Variants in TBC1D22A observed in about 807,000 individuals in gnomAD.
TBC1D22A encodes putative GTPase activator.
Under a neutral mutation model 60.2 loss-of-function variants are expected in TBC1D22A, and 38 were observed. The observed-to-expected ratio is 0.63, with a 90% confidence interval of 0.49 to 0.83. TBC1D22A has a LOEUF of 0.83. Ranked by LOEUF, TBC1D22A falls within the 40% of genes least tolerant of loss-of-function variation. TBC1D22A has a pLI of 0.00. For missense variants in TBC1D22A, 628 were observed against 701.0 expected, an observed-to-expected ratio of 0.90 and a Z score of 1.18; for synonymous variants, 302 against 281.7, an observed-to-expected ratio of 1.07 and a Z score of -0.72.
At chr22:47,145,577 C>A (rs529484775) in intron 12 of TBC1D22A, among the ~76,000 whole-genome samples, 1 of 152,294 alleles carries the variant, frequency 6.6e-6, no homozygotes, top group East Asian at 1.9e-4. Context: ...TAATACGCAG[C>A]CAGAAGGCAG....
chr22:46,822,419 T>C (rs957939284), intron 4 of TBC1D22A, among the ~76,000 whole-genome samples: 8 of 151,764 alleles, frequency 5.3e-5, no homozygotes, highest in Admixed American at 1.3e-4. Flanking sequence ...TTAGTTGGGG[T>C]TTTTTTTGGG....
At chr22:47,065,225 T>C (rs1362702668) in intron 11 of TBC1D22A, among the ~76,000 whole-genome samples, 1 of 152,248 alleles carries the variant, frequency 6.6e-6, no homozygotes, top group Non-Finnish European at 1.5e-5. Context: ...CTCAATCTTC[T>C]GACCTCATGA....
intron 4 of TBC1D22A, among the ~76,000 whole-genome samples, chr22:46,826,343 A>G (rs907020234): frequency 6.6e-6 from 1 of 152,224 alleles, no homozygotes; most frequent in African/African-American, 2.4e-5. Flanking sequence ...CCCATTAAAC[A>G]CTGCCTCAGA....
At chr22:47,075,703 A>T (rs891530369) in intron 11 of TBC1D22A, among the ~76,000 whole-genome samples, 3 of 152,218 alleles carry the variant, frequency 2.0e-5, no homozygotes, top group African/African-American at 7.2e-5. Context: ...AAATATTGAG[A>T]TAGTTATTTA....
intron 5 of TBC1D22A, among the ~76,000 whole-genome samples, chr22:46,882,147 G>A (rs778946145): frequency 2.0e-5 from 3 of 152,140 alleles, no homozygotes; most frequent in East Asian, 1.9e-4. Context: ...AGCTTTTCCC[G>A]ATCCTGGTGT....
chr22:46,881,971 C>T (rs1414131795), intron 5 of TBC1D22A, among the ~76,000 whole-genome samples: 1 of 152,190 alleles, frequency 6.6e-6, no homozygotes, highest in Admixed American at 6.5e-5. Context: ...GCTCACACAT[C>T]TGCCCTCAGC....
intron 4 of TBC1D22A, among the ~76,000 whole-genome samples, chr22:46,813,694 G>C (rs1356228856): frequency 6.6e-6 from 1 of 152,212 alleles, no homozygotes; most frequent in Non-Finnish European, 1.5e-5. Flanking sequence ...TGGAAACACA[G>C]AGGAACGAGT....
intron 9 of TBC1D22A, 107 bp downstream of exon 9, chr22:46,974,506 T>A: frequency 1.1e-6 from 1 of 870,320 alleles, no homozygotes; most frequent in Non-Finnish European, 1.8e-6. Flanking sequence ...ATGCAGTCCC[T>A]CCTGAAGCCT....
chr22:46,972,965 C>T (rs972929927), intron 8 of TBC1D22A, among the ~76,000 whole-genome samples: 1 of 152,210 alleles, frequency 6.6e-6, no homozygotes, highest in African/African-American at 2.4e-5. Context: ...CTGTCCAGGC[C>T]CTCGAGCGCC....
At position 47,083,901 on chromosome 22, in the gene TBC1D22A, C is replaced by T. The variant is rs532407954; in HGVS notation, c.1330-27607C>T. Among the ~76,000 whole-genome samples the T allele has an allele frequency of 7.9e-5, 12 of 152,286 alleles. No individual in the cohort carries two copies. In the South Asian group the frequency reaches 2.1e-3, roughly 26 times the overall value. On this transcript the variant is annotated intron_variant, in intron 11 of 12. Coordinates refer to ENST00000337137, the MANE Select transcript of TBC1D22A (RefSeq NM_014346.5). ...ACTCTAAATGCTAGCAAATGTGTAG[C>T]GCAGCCAGAAGCCCCAGGCATGCGG... is the stretch of plus-strand genomic sequence containing the variant.
intron 12 of TBC1D22A, among the ~76,000 whole-genome samples, chr22:47,127,804 C>T (rs377463935): frequency 1.8e-4 from 28 of 151,902 alleles, no homozygotes; most frequent in East Asian, 1.2e-3. Context: ...CTGCTCTTGG[C>T]GCCTGCTTTT....
chr22:47,137,502 G>A (rs532066767), intron 12 of TBC1D22A, among the ~76,000 whole-genome samples: 1 of 152,232 alleles, frequency 6.6e-6, no homozygotes, highest in Non-Finnish European at 1.5e-5. Flanking sequence ...TCTCCCTTGG[G>A]GCAGCTTTCC....
intron 3 of TBC1D22A, among the ~76,000 whole-genome samples, chr22:46,795,796 G>C (rs186291350): frequency 3.9e-4 from 60 of 152,320 alleles, no homozygotes; most frequent in African/African-American, 1.4e-3. Flanking sequence ...TACGTGTCCT[G>C]ATGAAACCAC....
chr22:47,174,961 G>A lies in TBC1D22A; in HGVS notation c.*1335G>A, dbSNP rs926823350. On this transcript the variant is annotated 3_prime_UTR_variant, in exon 13 of 13. Transcript: ENST00000337137. ...GAATGCGGGCAGGGCCACAGCCACA[G>A]TCTGTCTGATCCCTGAGCCCAGGAC... is the stretch of plus-strand genomic sequence containing the variant. The A allele has an allele frequency of 1.3e-5, 2 of 152,246 alleles. No individual in the cohort carries two copies. Among genetic ancestry groups the A allele is most frequent in the Non-Finnish European group, 2.9e-5 (2 of 68,086 alleles). The allele number at this position is 152,246 out of a possible 1,614,324, so 9.4% of individuals were successfully genotyped here.
rs942413432 is a variant in TBC1D22A, at chr22:46,916,168, T to C, written c.1015+3980T>C. ...TAATGAGAGCTGCTGTGGTTGAGGT[T>C]GACACACAGGACCTGGTCTGAAGGC... On this transcript the variant is annotated intron_variant, in intron 8 of 12. Transcript: ENST00000337137. 8.5e-6 allele frequency: 3 copies of C among 353,828 alleles called. No homozygotes were observed. The Admixed American group carries it at 1.2e-4, about 14-fold the overall frequency. 21.9% of individuals were successfully genotyped at this position (353,828 alleles called of 1,614,324 possible). A position where few individuals can be genotyped will look rare whatever the true frequency, so the allele number is the denominator to read the frequency against.
At position 47,034,232 on chromosome 22, in the gene TBC1D22A, T is replaced by A. The variant is rs181829542; in HGVS notation, c.1202-2839T>A. Among the ~76,000 whole-genome samples, 4 of 152,240 alleles carry A rather than the reference T, an allele frequency of 2.6e-5. No individual in the cohort carries two copies. In the East Asian group the frequency reaches 7.7e-4, roughly 29 times the overall value. On this transcript the variant is annotated intron_variant, in intron 10 of 12. Transcript: ENST00000337137. Reference sequence around the variant, plus strand: ...CTGGACCTGCACTGCAGCCCTCCCCTCCCTCAGTGTGGAGCTCTTGGAGTG... The same window carrying A: ...CTGGACCTGCACTGCAGCCCTCCCCACCCTCAGTGTGGAGCTCTTGGAGTG...
At chr22:47,020,527 G>A (rs1279484923) in intron 10 of TBC1D22A, among the ~76,000 whole-genome samples, 1 of 151,850 alleles carries the variant, frequency 6.6e-6, no homozygotes, top group Non-Finnish European at 1.5e-5. Context: ...CCTGCCTGTT[G>A]GTGTGGCACT....
At chr22:47,055,032 C>T (rs1007427371) in intron 11 of TBC1D22A, among the ~76,000 whole-genome samples, 4 of 152,178 alleles carry the variant, frequency 2.6e-5, no homozygotes, top group African/African-American at 7.2e-5. Context: ...GCCTCTTAGC[C>T]GCTTCTTTCT....
At chr22:47,118,584 T>C (rs1373260905) in intron 12 of TBC1D22A, among the ~76,000 whole-genome samples, 1 of 151,832 alleles carries the variant, frequency 6.6e-6, no homozygotes, top group Non-Finnish European at 1.5e-5. Context: ...AATAGAAAAA[T>C]AAAGACAACT....
Sources: allele counts gnomAD v4.1 joint callset (sites outside exome capture counted in the v4.1 genomes callset), GRCh38; gene constraint gnomAD v4.1.1; transcripts MANE v1.5; gene names NCBI Gene and HGNC (gene_info 2026-07-23, HGNC 2026-07-21).